The following CGAS variants were observed in gnomAD, a reference collection of about 807,000 sequenced individuals.
The protein encoded by CGAS is 2'3'-cGAMP synthase.
CGAS carries 31 observed loss-of-function variants against 34.0 expected under a neutral mutation model. The ratio of observed to expected loss-of-function variants is 0.91; its 90% confidence interval spans 0.69 to 1.23. The LOEUF (loss-of-function observed/expected upper bound fraction) is 1.23. CGAS is among the 50% of genes most tolerant of loss of function. The pLI is 0.00. For missense variants in CGAS, 597 were observed against 657.6 expected (o/e 0.91, Z 1.01); for synonymous variants, 266 against 260.0 (o/e 1.02, Z -0.22).
chr6:73,443,925 A>G (rs1770425793), intron 2 of CGAS, among the ~76,000 whole-genome samples: 2 of 152,220 alleles, frequency 1.3e-5, no homozygotes. Flanking sequence ...GTTATATGAA[A>G]TGAAGCTGAA....
chr6:73,424,432 T>TA lies in CGAS; in HGVS notation c.*794dup, dbSNP rs763350705. The stretch of plus-strand genomic sequence containing the variant: ...CTGGGCGACAGAGCGAGACTCCATC[T>TA]AAAAAAAAAAAAAAAAAATTATGTA... On this transcript the variant is annotated 3_prime_UTR_variant, in exon 5 of 5. Transcript: ENST00000370315. 4.2e-3 allele frequency: 551 copies of TA among 131,698 alleles called. 11 individuals are homozygous for TA. Among genetic ancestry groups the TA allele is most frequent in the Admixed American group, 0.027 (343 of 12,846 alleles). 8.2% of individuals were successfully genotyped at this position (131,698 alleles called of 1,614,324 possible).
Position 73,452,284 on chromosome 6 carries a change from A to C in CGAS, c.-103T>G. 7.4e-7 allele frequency: 1 copy of C among 1,348,598 alleles called. No individual in the cohort carries two copies. The highest frequency in any genetic ancestry group is 1.6e-5 in the South Asian group (1 of 64,270). 83.5% of individuals were successfully genotyped at this position (1,348,598 alleles called of 1,614,324 possible). A position where few individuals can be genotyped will look rare whatever the true frequency, so the allele number is the denominator to read the frequency against. On this transcript the variant is annotated 5_prime_UTR_variant, in exon 1 of 5. Transcript: ENST00000370315. Reference sequence around the variant, plus strand: ...TGGAAACCAAGCACTACTGGCGGGCACACAAGAGTCTGCGACCCGAAGGGG... The same window carrying C: ...TGGAAACCAAGCACTACTGGCGGGCCCACAAGAGTCTGCGACCCGAAGGGG...
rs186072064 is a variant in CGAS, at chr6:73,429,692, G to A, written c.1115-881C>T. Among the ~76,000 whole-genome samples the A allele has an allele frequency of 6.6e-3, 1,008 of 152,192 alleles. 10 individuals are homozygous for A. The highest frequency in any genetic ancestry group is 0.011 in the Non-Finnish European group (738 of 67,996). On this transcript the variant is annotated intron_variant, in intron 3 of 4. Coordinates refer to ENST00000370315, the MANE Select transcript of CGAS (RefSeq NM_138441.3). The stretch of plus-strand genomic sequence containing the variant: ...ATACAAAAAATTAGCCGGGCGTGGT[G>A]GCGGGCGCCTGTAATCCCAGCTACT...
chr6:73,448,365 C>T (rs1430783056), intron 1 of CGAS, among the ~76,000 whole-genome samples: 1 of 152,102 alleles, frequency 6.6e-6, no homozygotes, highest in South Asian at 2.1e-4. Flanking sequence ...CCATTGTACT[C>T]CAGCCCAGGC....
At chr6:73,442,188 A>C (rs1770390320) in intron 2 of CGAS, among the ~76,000 whole-genome samples, 1 of 151,938 alleles carries the variant, frequency 6.6e-6, no homozygotes, top group Non-Finnish European at 1.5e-5. Flanking sequence ...TCTACCTTTC[A>C]AAGGCCACCT....
chr6:73,444,379 G>C (rs550316112), intron 2 of CGAS, among the ~76,000 whole-genome samples: 1 of 151,764 alleles, frequency 6.6e-6, no homozygotes, highest in East Asian at 1.9e-4. Context: ...CCCGATCTCG[G>C]CTTACTGCAA....
intron 2 of CGAS, among the ~76,000 whole-genome samples, chr6:73,444,924 T>A (rs555000346): frequency 2.6e-5 from 4 of 152,048 alleles, no homozygotes; most frequent in Admixed American, 6.6e-5. Context: ...TGCGTCTGGG[T>A]GGATTGATTG....
intron 1 of CGAS, among the ~76,000 whole-genome samples, chr6:73,449,292 C>T (rs1047948876): frequency 4.0e-5 from 6 of 151,308 alleles, no homozygotes; most frequent in Admixed American, 1.3e-4. Flanking sequence ...CTGGCTAACA[C>T]GGTGAAACCC....
At chr6:73,446,105 A>C (rs1489638988) in intron 1 of CGAS, among the ~76,000 whole-genome samples, 2 of 151,658 alleles carry the variant, frequency 1.3e-5, no homozygotes, top group Non-Finnish European at 2.9e-5. Context: ...AAGGCGGGCG[A>C]TTCACCTGAG....
At chr6:73,442,757 C>T (rs890237214) in intron 2 of CGAS, among the ~76,000 whole-genome samples, 2 of 151,944 alleles carry the variant, frequency 1.3e-5, no homozygotes, top group Non-Finnish European at 2.9e-5. Context: ...TGCCACCACG[C>T]CTGGCTAATT....
In CGAS at chr6:73,439,965, G is replaced by A. The variant is rs529526256; in HGVS notation, c.1114+244C>T. The A allele has an allele frequency of 2.6e-4, 109 of 426,786 alleles. 2 individuals are homozygous for A. Among genetic ancestry groups the A allele is most frequent in the East Asian group, 2.4e-3 (54 of 22,772 alleles). 26.4% of individuals were successfully genotyped at this position (426,786 alleles called of 1,614,324 possible). ...AAGGCCAATACTGCTTTTCTTTACC[G>A]AAAAAAATAAAATAAAATTCAAATA... is the stretch of plus-strand genomic sequence containing the variant. On this transcript the variant is annotated intron_variant, in intron 3 of 4. Coordinates refer to ENST00000370315, the MANE Select transcript of CGAS (RefSeq NM_138441.3).
Position 73,440,360 on chromosome 6 carries a change from G to A in CGAS, c.963C>T (p.Thr321=), listed in dbSNP as rs777772986. Residue 321 remains threonine (T), a synonymous_variant, in exon 3 of 5, where the codon ACC becomes ACT. Transcript: ENST00000370315. ...LISEKISVDI[T]LALESKSSWP... ...AGCTACTTTTTGATTCCAAAGCCAG[G>A]GTTATATCCACAGATATTTTTTCAC... The A allele has an allele frequency of 1.2e-6, 2 of 1,614,054 alleles. No homozygotes were observed. The highest frequency in any genetic ancestry group is 1.7e-6 in the Non-Finnish European group (2 of 1,180,024).
At chr6:73,451,296 G>A (rs1770561075) in intron 1 of CGAS, among the ~76,000 whole-genome samples, 2 of 152,214 alleles carry the variant, frequency 1.3e-5, no homozygotes, top group African/African-American at 2.4e-5. Flanking sequence ...CCCGGGAGCA[G>A]TGTCTTGAAA....
chr6:73,452,186 G>A lies in CGAS; in HGVS notation c.-5C>T, dbSNP rs1177956234. On this transcript the variant is annotated 5_prime_UTR_variant, in exon 1 of 5. Coordinates refer to ENST00000370315, the MANE Select transcript of CGAS (RefSeq NM_138441.3). ...CTTTCCGTGCCAAGGCTGCATGGCT[G>A]GCGCTTTCTGTTCCCCGAAAGAAGA... 42 of 1,591,308 alleles carry A rather than the reference G, an allele frequency of 2.6e-5. No homozygotes were observed. The highest frequency in any genetic ancestry group is 3.6e-5 in the Non-Finnish European group (42 of 1,171,466).
At chr6:73,450,075 AAAAG>A (rs1770537245) in intron 1 of CGAS, among the ~76,000 whole-genome samples, 2 of 151,018 alleles carry the variant, frequency 1.3e-5, no homozygotes, top group South Asian at 2.1e-4. Flanking sequence ...GGGAGGGAGG[AAAAG>A]AGAGAGACAG....
intron 4 of CGAS, among the ~76,000 whole-genome samples, chr6:73,428,050 G>A (rs898030939): frequency 2.9e-4 from 44 of 151,932 alleles, no homozygotes; most frequent in African/African-American, 9.7e-4. Context: ...GAGCCAACAG[G>A]CCCTCTACAA....
At chr6:73,447,468 G>T (rs539022830) in intron 1 of CGAS, among the ~76,000 whole-genome samples, 1 of 152,220 alleles carries the variant, frequency 6.6e-6, no homozygotes, top group Admixed American at 6.5e-5. Flanking sequence ...AGTTTTAGTA[G>T]AGACAGGGTT....
chr6:73,429,995 A>T (rs1225388275), intron 3 of CGAS, among the ~76,000 whole-genome samples: 1 of 152,158 alleles, frequency 6.6e-6, no homozygotes, highest in Non-Finnish European at 1.5e-5. Context: ...TAGAGGAGAA[A>T]TACATGATTG....
In CGAS at chr6:73,445,879, TG is replaced by T. The variant is rs1335222979; in HGVS notation, c.658-133del. On this transcript the variant is annotated intron_variant, in intron 1 of 4. Transcript: ENST00000370315. Reference sequence around the variant, plus strand: ...ATTCATAATGTCTATATATACCCTCTGGGAGTGGGACTAGTGGAGCTGGCAG... The same window carrying T: ...ATTCATAATGTCTATATATACCCTCTGGAGTGGGACTAGTGGAGCTGGCAG... The T allele has an allele frequency of 1.3e-5, 8 of 630,638 alleles. No homozygotes were observed. In the East Asian group the frequency reaches 2.3e-4, roughly 18 times the overall value. 39.1% of individuals were successfully genotyped at this position (630,638 alleles called of 1,614,324 possible).
Sources: gnomAD v4.1 joint callset for allele counts (sites outside exome capture counted in the v4.1 genomes callset) on GRCh38, gnomAD v4.1.1 for gene constraint, MANE v1.5 for transcripts, NCBI Gene and HGNC (gene_info 2026-07-23, HGNC 2026-07-21) for gene names.